The following DNER variants were observed in gnomAD, a reference collection of about 807,000 sequenced individuals.
The protein encoded by DNER is delta and Notch-like epidermal growth factor-related receptor.
A neutral mutation model predicts 78.2 loss-of-function variants in DNER; 33 were observed. The ratio of observed to expected loss-of-function variants is 0.42; its 90% CI spans 0.32 to 0.56. The LOEUF is 0.56. Among genes scored for constraint, DNER ranks in the 20% least tolerant of loss-of-function variants. The pLI is 0.11. For synonymous variants in DNER, 417 were observed against 384.8 expected (o/e 1.08, Z -0.98); for missense variants, 918 against 975.3 (o/e 0.94, Z 0.78).
intron 1 of DNER, among the ~76,000 whole-genome samples, chr2:229,612,017 C>T (rs899303127): frequency 1.3e-5 from 2 of 152,182 alleles, no homozygotes; most frequent in Non-Finnish European, 2.9e-5. Context: ...TCAATCACAG[C>T]GTGGATTAAG....
In DNER at chr2:229,618,791, A is replaced by G. The variant is rs182543627; in HGVS notation, c.277-26903T>C. 5.9e-5 allele frequency among the ~76,000 whole-genome samples: 9 copies of G among 152,276 alleles called. No homozygotes were observed. The East Asian group carries it at 1.7e-3, about 29-fold the overall frequency. The stretch of plus-strand genomic sequence containing the variant: ...AAATAAAATGATATTCCTCTTTTTA[A>G]ATTTCCTCGCTTTTATTTTAATGTC... On this transcript the variant is annotated intron_variant, in intron 1 of 12. Coordinates refer to ENST00000341772, the MANE Select transcript of DNER (RefSeq NM_139072.4).
At position 229,358,489 on chromosome 2, in the gene DNER, A is replaced by T. The variant is rs1227633676; in HGVS notation, c.*51T>A. 1 of 1,366,156 alleles carries T rather than the reference A, an allele frequency of 7.3e-7. No homozygotes were observed. The highest frequency in any genetic ancestry group is 1.0e-6 in the Non-Finnish European group (1 of 1,004,910). The allele number at this position is 1,366,156 out of a possible 1,614,324, so 84.6% of individuals were successfully genotyped here. ...TTAAGCTTTTTATTTTCTTAAAAAT[A>T]TTTAAATGAGTGTAGTATCTCATCT... On this transcript the variant is annotated 3_prime_UTR_variant, in exon 13 of 13. Transcript: ENST00000341772.
chr2:229,496,796 C>T (rs1695512303), intron 6 of DNER, among the ~76,000 whole-genome samples: 1 of 152,128 alleles, frequency 6.6e-6, no homozygotes. Flanking sequence ...AGAGCCCCTA[C>T]ATACATAAGG....
intron 6 of DNER, among the ~76,000 whole-genome samples, chr2:229,512,275 T>C (rs544495923): frequency 6.7e-6 from 1 of 150,060 alleles, no homozygotes; most frequent in East Asian, 2.0e-4. Flanking sequence ...CCCAGCTACT[T>C]GGGAGGCTGA....
chr2:229,471,602 C>T (rs184208628), intron 7 of DNER, among the ~76,000 whole-genome samples: 1 of 152,114 alleles, frequency 6.6e-6, no homozygotes, highest in Non-Finnish European at 1.5e-5. Flanking sequence ...AGTAGTCAAC[C>T]TTCATCCTTT....
At chr2:229,622,573 C>T (rs866414874) in intron 1 of DNER, among the ~76,000 whole-genome samples, 3 of 152,156 alleles carry the variant, frequency 2.0e-5, no homozygotes, top group Non-Finnish European at 4.4e-5. Flanking sequence ...CAAGCTGAAT[C>T]GTGTACCCCC....
intron 11 of DNER, among the ~76,000 whole-genome samples, chr2:229,368,752 G>T (rs1449256164): frequency 6.6e-6 from 1 of 152,074 alleles, no homozygotes; most frequent in Non-Finnish European, 1.5e-5. Flanking sequence ...CTTTACAAAG[G>T]AGGCCTAGAG....
At chr2:229,594,308 GC>G (rs1340267014) in intron 1 of DNER, among the ~76,000 whole-genome samples, 4 of 152,370 alleles carry the variant, frequency 2.6e-5, no homozygotes, top group South Asian at 4.1e-4. Context: ...AGAGCAGAGG[GC>G]CGGGCGCGGT....
chr2:229,373,352 A>T (rs1204132228), intron 11 of DNER, among the ~76,000 whole-genome samples: 2 of 152,220 alleles, frequency 1.3e-5, no homozygotes, highest in Non-Finnish European at 2.9e-5. Context: ...AATGCTCAAC[A>T]TCACTAATTA....
At chr2:229,555,333 C>G (rs768537552) in intron 4 of DNER, among the ~76,000 whole-genome samples, 15 of 152,124 alleles carry the variant, frequency 9.9e-5, no homozygotes, top group Non-Finnish European at 1.8e-4. Context: ...CATGTAGACA[C>G]CTTACACCTC....
chr2:229,550,144 C>G (rs958087725), intron 4 of DNER, among the ~76,000 whole-genome samples: 1 of 151,450 alleles, frequency 6.6e-6, no homozygotes, highest in African/African-American at 2.4e-5. Flanking sequence ...ATATACGCGC[C>G]ACCACACCCA....
In DNER at chr2:229,366,024, A is replaced by T. The variant is rs1039461272; in HGVS notation, c.2102+849T>A. 2.0e-5 allele frequency among the ~76,000 whole-genome samples: 3 copies of T among 152,222 alleles called. No homozygotes were observed. The South Asian group carries it at 6.2e-4, about 32-fold the overall frequency. On this transcript the variant is annotated intron_variant, in intron 12 of 12. Transcript: ENST00000341772. ...ATATAATAGATTTGGAGAAGTAAAT[A>T]TGGGGTTTTCTGTTCATACCATCTT...
At chr2:229,374,663 A>G (rs1216322067) in intron 11 of DNER, among the ~76,000 whole-genome samples, 1 of 152,218 alleles carries the variant, frequency 6.6e-6, no homozygotes, top group East Asian at 1.9e-4. Flanking sequence ...GGTTACACAC[A>G]GTAAGTGGCA....
rs181321862 is a variant in DNER, at chr2:229,510,478, C to T, written c.1147+2305G>A. On this transcript the variant is annotated intron_variant, in intron 6 of 12. Coordinates refer to ENST00000341772, the MANE Select transcript of DNER (RefSeq NM_139072.4). ...AGCAGCACAGGCAAGGGGCAAAGGC[C>T]ACTAGCCTGAAGGTGTTGGCAGTGG... 6.6e-5 allele frequency among the ~76,000 whole-genome samples: 10 copies of T among 152,246 alleles called. No homozygotes were observed. In the East Asian group the frequency reaches 1.7e-3, roughly 26 times the overall value.
Position 229,388,265 on chromosome 2 carries a change from G to A in DNER, c.1855C>T (p.His619Tyr), listed in dbSNP as rs766470085. Residue 619 changes from histidine (H) to tyrosine (Y), a missense_variant and splice_region_variant, in exon 11 of 13, where the codon CAC (histidine) becomes TAC (tyrosine). Coordinates refer to ENST00000341772, the MANE Select transcript of DNER (RefSeq NM_139072.4). ...GTGGCTGAGCTGCAGAAATACTTAC[G>A]GATCTCACAGTTTGCTCCCACCCAA... ...HGWVGANCEI[H>Y]LQWKSGHMAE... 17 of 1,605,410 alleles carry A rather than the reference G, an allele frequency of 1.1e-5. No homozygotes were observed. The highest frequency in any genetic ancestry group is 9.1e-5 in the East Asian group (4 of 44,112).
At position 229,358,601 on chromosome 2, in the gene DNER, T is replaced by C. The variant is rs1255731120; in HGVS notation, c.2153A>G (p.Tyr718Cys). ...PAMYDVSPIA[Y>C]EDYSPDDKPL... is the part of the protein sequence containing the mutation. ...TTTGTCATCAGGACTGTAATCTTCA[T>C]AGGCGATGGGGCTCACATCATACAT... Residue 718 changes from tyrosine to cysteine, a missense_variant, in exon 13 of 13, where the codon TAT becomes TGT. Tyr to Cys is a radical substitution (Grantham distance 194). Transcript: ENST00000341772. 4 of 1,613,946 alleles carry C rather than the reference T, an allele frequency of 2.5e-6. No homozygotes were observed. Among genetic ancestry groups the C allele is most frequent in the African/African-American group, 2.7e-5 (2 of 74,932 alleles).
chr2:229,560,600 A>G (rs988065792), intron 4 of DNER, among the ~76,000 whole-genome samples: 1 of 152,174 alleles, frequency 6.6e-6, no homozygotes, highest in Admixed American at 6.5e-5. Flanking sequence ...AAGGTGGGAT[A>G]AGGTTAGTGC....
chr2:229,631,306 A>G (rs570796117), intron 1 of DNER, among the ~76,000 whole-genome samples: 1 of 152,022 alleles, frequency 6.6e-6, no homozygotes, highest in South Asian at 2.1e-4. Flanking sequence ...CCCAGGTGCA[A>G]TGTTTGTGGC....
At chr2:229,489,505 C>T (rs770904506) in intron 6 of DNER, among the ~76,000 whole-genome samples, 19 of 119,564 alleles carry the variant, frequency 1.6e-4, no homozygotes, top group Non-Finnish European at 2.9e-4. Flanking sequence ...GTGGGGGGCG[C>T]GGACAGAGGG....
Sources: gnomAD v4.1 joint callset for allele counts (sites outside exome capture counted in the v4.1 genomes callset) on GRCh38, gnomAD v4.1.1 for gene constraint, MANE v1.5 for transcripts, NCBI Gene and HGNC (gene_info 2026-07-23, HGNC 2026-07-21) for gene names.